The following SEMA6D variants were observed in gnomAD, a reference collection of about 807,000 sequenced individuals.
SEMA6D encodes semaphorin-6D.
A neutral mutation model predicts 106.6 loss-of-function variants in SEMA6D; 35 were observed. The observed-to-expected ratio is 0.33, with a 90% CI of 0.25 to 0.44. The LOEUF is 0.44. Among genes scored for constraint, SEMA6D ranks in the 20% least tolerant of loss-of-function variants. The pLI is 1.00. For missense variants in SEMA6D, 1,185 were observed against 1,345.9 expected (o/e 0.88, Z 1.87); for synonymous variants, 499 against 487.7 (o/e 1.02, Z -0.31).
At chr15:47,552,867 T>A (rs1247496625) in intron 3 of SEMA6D, among the ~76,000 whole-genome samples, 8 of 61,714 alleles carry the variant, frequency 1.3e-4, no homozygotes, top group Non-Finnish European at 2.0e-4. Flanking sequence ...TATATATATT[T>A]TTATATATAT....
chr15:47,244,605 A>G (rs1210408116), intron 1 of SEMA6D, among the ~76,000 whole-genome samples: 1 of 152,298 alleles, frequency 6.6e-6, no homozygotes, highest in African/African-American at 2.4e-5. Context: ...TGATGGCGTC[A>G]TGTTTAAATG....
At chr15:47,451,313 G>T (rs566215171) in intron 2 of SEMA6D, among the ~76,000 whole-genome samples, 3 of 151,988 alleles carry the variant, frequency 2.0e-5, no homozygotes, top group Non-Finnish European at 4.4e-5. Flanking sequence ...GCGATCAAAA[G>T]CTTCCTCAAA....
chr15:47,415,481 C>G (rs941188074), intron 2 of SEMA6D, among the ~76,000 whole-genome samples: 10 of 152,040 alleles, frequency 6.6e-5, no homozygotes, highest in African/African-American at 2.4e-4. Context: ...CACAGCAAAC[C>G]CTGTGTATCT....
intron 3 of SEMA6D, among the ~76,000 whole-genome samples, chr15:47,566,963 CT>C (rs2046248349): frequency 6.6e-6 from 1 of 152,150 alleles, no homozygotes; most frequent in Admixed American, 6.5e-5. Flanking sequence ...CCTTTTGCTC[CT>C]TTGGACAAGG....
At chr15:47,618,408 A>G (rs959897027) in intron 4 of SEMA6D, among the ~76,000 whole-genome samples, 5 of 152,238 alleles carry the variant, frequency 3.3e-5, no homozygotes, top group East Asian at 1.9e-4. Context: ...GGCTGGTGCC[A>G]TGGCAACACT....
At chr15:47,732,566 C>T (rs2080192171) in intron 1 of SEMA6D, among the ~76,000 whole-genome samples, 1 of 152,166 alleles carries the variant, frequency 6.6e-6, no homozygotes, top group African/African-American at 2.4e-5. Flanking sequence ...GAGAGATTGG[C>T]TTACCAGTGG....
intron 2 of SEMA6D, among the ~76,000 whole-genome samples, chr15:47,460,039 TA>T (rs1016650479): frequency 2.7e-5 from 4 of 150,942 alleles, no homozygotes; most frequent in East Asian, 3.9e-4. Context: ...CATACAAACT[TA>T]AAAAAAAATG....
chr15:47,376,644 A>G (rs938353668), intron 1 of SEMA6D, among the ~76,000 whole-genome samples: 1 of 152,206 alleles, frequency 6.6e-6, no homozygotes, highest in African/African-American at 2.4e-5. Context: ...TGCTAAAGAA[A>G]GATAAACAAC....
intron 1 of SEMA6D, among the ~76,000 whole-genome samples, chr15:47,381,216 C>T (rs2039631387): frequency 6.6e-6 from 1 of 152,246 alleles, no homozygotes; most frequent in Non-Finnish European, 1.5e-5. Flanking sequence ...GATTTACAAT[C>T]TCCAGAATAA....
chr15:47,640,004 G>A (rs1266506741), intron 4 of SEMA6D, among the ~76,000 whole-genome samples: 2 of 152,076 alleles, frequency 1.3e-5, no homozygotes, highest in African/African-American at 4.8e-5. Flanking sequence ...TAACAATAAG[G>A]TATCAATATC....
rs2080517990 is a variant in SEMA6D, at chr15:47,737,528, T to C, written c.-55+19836T>C. ...TATATGCATCTCCGGTTTTATAAAG[T>C]TGTGATCAGTGAACATAAACCTTAT... On this transcript the variant is annotated intron_variant, in intron 1 of 18. Coordinates refer to ENST00000536845, the MANE Select transcript of SEMA6D (RefSeq NM_001358351.3). Among the ~76,000 whole-genome samples the C allele has an allele frequency of 3.3e-5, 5 of 152,326 alleles. 1 individual carries two copies. The South Asian group carries it at 1.0e-3, about 32-fold the overall frequency.
intron 4 of SEMA6D, among the ~76,000 whole-genome samples, chr15:47,671,933 T>C (rs970435818): frequency 6.6e-6 from 1 of 152,206 alleles, no homozygotes; most frequent in African/African-American, 2.4e-5. Flanking sequence ...CTACTATTTA[T>C]TGAGCATTTA....
intron 1 of SEMA6D, among the ~76,000 whole-genome samples, chr15:47,286,544 A>T (rs2035370690): frequency 6.6e-6 from 1 of 152,038 alleles, no homozygotes; most frequent in African/African-American, 2.4e-5. Flanking sequence ...TTTTTTTGCA[A>T]ATTTCTTTCA....
At chr15:47,261,965 A>G (rs1358191268) in intron 1 of SEMA6D, among the ~76,000 whole-genome samples, 1 of 152,112 alleles carries the variant, frequency 6.6e-6, no homozygotes, top group Non-Finnish European at 1.5e-5. Flanking sequence ...TCTTGTGACT[A>G]TGAATAATGA....
chr15:47,398,579 G>T (rs919092735), intron 1 of SEMA6D, among the ~76,000 whole-genome samples: 7 of 152,138 alleles, frequency 4.6e-5, no homozygotes, highest in Non-Finnish European at 7.3e-5. Context: ...CTGTGCCCCT[G>T]AGGATTCAGC....
intron 1 of SEMA6D, among the ~76,000 whole-genome samples, chr15:47,213,125 C>T (rs1039882773): frequency 2.6e-5 from 4 of 152,118 alleles, no homozygotes; most frequent in African/African-American, 9.7e-5. Context: ...AATTTAAATT[C>T]AACTTAAACA....
At chr15:47,700,793 C>G (rs533691464) in intron 4 of SEMA6D, among the ~76,000 whole-genome samples, 2 of 151,920 alleles carry the variant, frequency 1.3e-5, no homozygotes, top group African/African-American at 4.8e-5. Flanking sequence ...AAAGAACAGA[C>G]AAATAGGTCA....
chr15:47,324,821 T>G (rs1361967628), intron 1 of SEMA6D, among the ~76,000 whole-genome samples: 1 of 151,990 alleles, frequency 6.6e-6, no homozygotes, highest in Non-Finnish European at 1.5e-5. Flanking sequence ...TATATAGATA[T>G]AATGAGTGTA....
chr15:47,396,046 C>G (rs572059320), intron 1 of SEMA6D, among the ~76,000 whole-genome samples: 1 of 152,192 alleles, frequency 6.6e-6, no homozygotes, highest in East Asian at 1.9e-4. Flanking sequence ...GAGACACCAG[C>G]AAACACCAGA....
Sources: gnomAD v4.1 joint callset for allele counts (sites outside exome capture counted in the v4.1 genomes callset) on GRCh38, gnomAD v4.1.1 for gene constraint, MANE v1.5 for transcripts, NCBI Gene and HGNC (gene_info 2026-07-23, HGNC 2026-07-21) for gene names.